PPFIA2: variants seen among roughly 807,000 people sequenced by gnomAD.
PPFIA2 encodes the protein PPFI scaffold protein A2.
Under a neutral mutation model 175.5 loss-of-function variants are expected in PPFIA2, and 46 were observed. The observed-to-expected ratio is 0.26, with a 90% confidence interval of 0.21 to 0.34. The LOEUF is 0.34. Among genes scored for constraint, PPFIA2 ranks in the 10% least tolerant of loss-of-function variants. PPFIA2 has a pLI of 1.00. For synonymous variants in PPFIA2, 568 were observed against 511.4 expected (o/e 1.11, Z -1.49); for missense variants, 1,179 against 1,506.1 (o/e 0.78, Z 3.60).
intron 4 of PPFIA2, among the ~76,000 whole-genome samples, chr12:81,491,771 G>A (rs188916308): frequency 2.6e-5 from 4 of 151,938 alleles, no homozygotes; most frequent in South Asian, 2.1e-4. Context: ...CTAAATTGTC[G>A]AAGACAGCAC....
chr12:81,259,975 T>G (rs1477443402), intron 32 of PPFIA2: 1 of 227,086 alleles, frequency 4.4e-6, no homozygotes, highest in Non-Finnish European at 8.5e-6. Context: ...AATTAATAAA[T>G]TGGGTTGAAT....
rs1200978641 is a variant in PPFIA2, at chr12:81,642,822, ATATG to A, written c.303+33965_303+33968del. 1.5e-5 allele frequency among the ~76,000 whole-genome samples: 2 copies of A among 131,474 alleles called. 1 individual carries two copies. The highest frequency in any genetic ancestry group is 3.2e-5 in the Non-Finnish European group (2 of 62,974). The allele number at this position is 131,474 out of a possible 152,430, so 86.3% of individuals were successfully genotyped here. A position where few individuals can be genotyped will look rare whatever the true frequency, so the allele number is the denominator to read the frequency against. ...ATGTATGTATGTATTACATACATGT[ATATG>A]TATGTATGTATTACATACATATATA... On this transcript the variant is annotated intron_variant, in intron 4 of 32. Transcript: ENST00000549396.
chr12:81,277,424 T>C lies in PPFIA2; in HGVS notation c.3213-10A>G. On this transcript the variant is annotated splice_polypyrimidine_tract_variant and intron_variant, in intron 27 of 32. Transcript: ENST00000549396. ...ATATTGTAAACTTGTTCTTTTTTTTTTATTAAAAAAAAAAAAACACAGTGA... is the reference window on the plus strand; with the variant it reads ...ATATTGTAAACTTGTTCTTTTTTTTCTATTAAAAAAAAAAAAACACAGTGA... The C allele has an allele frequency of 6.7e-7, 1 of 1,495,184 alleles. No homozygotes were observed. The highest frequency in any genetic ancestry group is 8.8e-7 in the Non-Finnish European group (1 of 1,130,926). The allele number at this position is 1,495,184 out of a possible 1,614,324, so 92.6% of individuals were successfully genotyped here. A position where few individuals can be genotyped will look rare whatever the true frequency, so the allele number is the denominator to read the frequency against.
chr12:81,643,451 A>G (rs1315764541), intron 4 of PPFIA2, among the ~76,000 whole-genome samples: 1 of 152,064 alleles, frequency 6.6e-6, no homozygotes, highest in African/African-American at 2.4e-5. Context: ...TACTTTCATT[A>G]GATGCAACAA....
intron 3 of PPFIA2, among the ~76,000 whole-genome samples, chr12:81,753,479 A>G (rs2153666568): frequency 6.6e-6 from 1 of 151,884 alleles, no homozygotes; most frequent in East Asian, 1.9e-4. Flanking sequence ...AAGGGAGAGG[A>G]TAATATATTA....
Position 81,259,526 on chromosome 12 carries a change from A to C in PPFIA2, c.*168T>G, listed in dbSNP as rs1271128700. 7.2e-6 allele frequency: 8 copies of C among 1,118,692 alleles called. No homozygotes were observed. The Admixed American group carries it at 1.3e-4, about 19-fold the overall frequency. 69.3% of individuals were successfully genotyped at this position (1,118,692 alleles called of 1,614,324 possible). ...TCAAATGTAATATCTGACTCCCCCC[A>C]AAAATCACATTTTTCAGCTTTTAAT... On this transcript the variant is annotated 3_prime_UTR_variant, in exon 33 of 33. Coordinates refer to ENST00000549396, the MANE Select transcript of PPFIA2 (RefSeq NM_003625.5).
Position 81,457,858 on chromosome 12 carries a change from A to G in PPFIA2, c.312T>C (p.Ala104=), listed in dbSNP as rs1425284247. The G allele has an allele frequency of 4.4e-6, 7 of 1,582,036 alleles. No homozygotes were observed. In the African/African-American group the frequency reaches 8.2e-5, roughly 19 times the overall value. Residue 104 remains alanine (A), a synonymous_variant, in exon 5 of 33, where the codon GCT becomes GCC. Transcript: ENST00000549396. ...AGGCATTTAATTCTTTTGTCAGTGCAGCAAATTCCTGGAAAAGTAATAAAA... is the reference window on the plus strand; with the variant it reads ...AGGCATTTAATTCTTTTGTCAGTGCGGCAAATTCCTGGAAAAGTAATAAAA... The part of the protein sequence containing the change: ...GSKGADPPEF[A]ALTKELNACR...
Position 81,281,425 on chromosome 12 carries a change from G to C in PPFIA2, c.3044C>G (p.Ala1015Gly). 7 of 1,607,538 alleles carry C rather than the reference G, an allele frequency of 4.4e-6. No homozygotes were observed. Among genetic ancestry groups the C allele is most frequent in the Non-Finnish European group, 6.0e-6 (7 of 1,176,090 alleles). ...CCACTCATGATTCATATCTCCATAA[G>C]CCAGGGTCTGTAGAAAAACCGGACA... The part of the protein sequence containing the change: ...AQCPVFLQTL[A>G]YGDMNHEWIG... Residue 1015 changes from alanine (A) to glycine (G), a missense_variant, in exon 27 of 33, where the codon GCT (alanine) becomes GGT (glycine). Transcript: ENST00000549396.
chr12:81,703,018 C>G (rs1410195270), intron 3 of PPFIA2, among the ~76,000 whole-genome samples: 1 of 152,128 alleles, frequency 6.6e-6, no homozygotes, highest in Non-Finnish European at 1.5e-5. Context: ...TTTAAGCCAC[C>G]TGGTCTGTGG....
Position 81,642,713 on chromosome 12 carries a change from T to TATATTATATACATACAC in PPFIA2, c.303+34077_303+34078insGTGTATGTATATAATAT, listed in dbSNP as rs1567687709. The stretch of plus-strand genomic sequence containing the variant: ...ATATACATACATGTATATGTATGTA[T>TATATTATATACATACAC]GTATTATATACATACATGTATATGT... On this transcript the variant is annotated intron_variant, in intron 4 of 32. Coordinates refer to ENST00000549396, the MANE Select transcript of PPFIA2 (RefSeq NM_003625.5). Among the ~76,000 whole-genome samples the TATATTATATACATACAC allele has an allele frequency of 1.7e-4, 17 of 98,092 alleles. 3 individuals carry two copies. Among genetic ancestry groups the TATATTATATACATACAC allele is most frequent in the Non-Finnish European group, 2.5e-4 (11 of 44,868 alleles). 64.4% of individuals were successfully genotyped at this position (98,092 alleles called of 152,430 possible). A position where few individuals can be genotyped will look rare whatever the true frequency, so the allele number is the denominator to read the frequency against.
intron 29 of PPFIA2, 145 bp downstream of exon 29, chr12:81,267,767 T>A: frequency 3.6e-6 from 2 of 555,428 alleles, no homozygotes; most frequent in Non-Finnish European, 5.6e-6. Context: ...TCCACTAGCC[T>A]GAAATTAAAA....
intron 17 of PPFIA2, among the ~76,000 whole-genome samples, 170 bp from the exon 18 acceptor site, chr12:81,347,940 G>A (rs539008317): frequency 6.6e-6 from 1 of 151,028 alleles, no homozygotes; most frequent in Admixed American, 6.6e-5. Flanking sequence ...AGTGTAACTT[G>A]CAGTAAATTC....
rs913588981 is a variant in PPFIA2, at chr12:81,333,413, A to G, written c.2548+5767T>C. Among the ~76,000 whole-genome samples, 6 of 152,216 alleles carry G rather than the reference A, an allele frequency of 3.9e-5. No individual in the cohort carries two copies. In the East Asian group the frequency reaches 5.8e-4, roughly 15 times the overall value. On this transcript the variant is annotated intron_variant, in intron 21 of 32. Transcript: ENST00000549396. ...CTTATGTTCTCCGAACGTGATTCCA[A>G]TCCTCTACAGGTGCCTAATTTTCTC...
chr12:81,541,949 T>C (rs948641324), intron 4 of PPFIA2, among the ~76,000 whole-genome samples: 1 of 151,906 alleles, frequency 6.6e-6, no homozygotes, highest in African/African-American at 2.4e-5. Flanking sequence ...TGGATTAGGG[T>C]TAGAAACATC....
At chr12:81,438,003 T>A (rs1488361675) in intron 7 of PPFIA2, among the ~76,000 whole-genome samples, 1 of 152,084 alleles carries the variant, frequency 6.6e-6, no homozygotes, top group Non-Finnish European at 1.5e-5. Flanking sequence ...TTTTCTTTCC[T>A]TTTTAAAGAT....
intron 3 of PPFIA2, among the ~76,000 whole-genome samples, chr12:81,733,517 T>C (rs764068974): frequency 6.6e-6 from 1 of 151,670 alleles, no homozygotes; most frequent in Non-Finnish European, 1.5e-5. Context: ...GAATCTTAAA[T>C]TTAAATCTTG....
intron 4 of PPFIA2, among the ~76,000 whole-genome samples, chr12:81,611,719 G>A (rs1045820847): frequency 1.3e-5 from 2 of 152,186 alleles, no homozygotes; most frequent in Middle Eastern, 3.4e-3. Context: ...CTGGGGGAGT[G>A]GGGAGGCGGG....
At chr12:81,364,595 AT>A (rs1010335597) in intron 14 of PPFIA2, among the ~76,000 whole-genome samples, 15 of 151,496 alleles carry the variant, frequency 9.9e-5, no homozygotes, top group African/African-American at 3.6e-4. Flanking sequence ...GGGTCTTGCT[AT>A]GTTTCCTGGA....
chr12:81,613,110 T>C (rs1567573559), intron 4 of PPFIA2, among the ~76,000 whole-genome samples: 1 of 152,206 alleles, frequency 6.6e-6, no homozygotes, highest in Non-Finnish European at 1.5e-5. Flanking sequence ...AATCATTTTA[T>C]TATATGCTGT....
Sources: gnomAD v4.1 joint callset for allele counts (sites outside exome capture counted in the v4.1 genomes callset) on GRCh38, gnomAD v4.1.1 for gene constraint, MANE v1.5 for transcripts, NCBI Gene and HGNC (gene_info 2026-07-23, HGNC 2026-07-21) for gene names.